Variants in KLRD1 observed in about 807,000 individuals in gnomAD.
KLRD1 encodes natural killer cells antigen CD94.
A neutral mutation model predicts 22.6 loss-of-function variants in KLRD1; 21 were observed. The ratio of observed to expected loss-of-function variants is 0.93; its 90% CI spans 0.66 to 1.34. KLRD1 has a LOEUF of 1.34. Among genes scored for constraint, KLRD1 ranks in the 40% most tolerant of loss-of-function variants. KLRD1 has a pLI of 0.00. For synonymous variants in KLRD1, 59 were observed against 71.1 expected, an observed-to-expected ratio of 0.83 and a Z score of 0.85; for missense variants, 183 against 208.6, an observed-to-expected ratio of 0.88 and a Z score of 0.76.
intron 1 of KLRD1, among the ~76,000 whole-genome samples, chr12:10,253,803 T>A (rs1170379525): frequency 6.6e-6 from 1 of 152,166 alleles, no homozygotes; most frequent in Non-Finnish European, 1.5e-5. Context: ...CACATTTTCT[T>A]TATTCAATCT....
rs1384316234 is a variant in KLRD1 at position 10,325,167 on chromosome 12, T to G, written c.*10374T>G. 6.6e-6 allele frequency: 1 copy of G among 152,040 alleles called. No homozygotes were observed. Among genetic ancestry groups the G allele is most frequent in the East Asian group, 1.9e-4 (1 of 5,178 alleles). The allele number at this position is 152,040 out of a possible 1,614,324, so 9.4% of individuals were successfully genotyped here. ...TTTTCATAAATGACCTTTACTAGGT[T>G]GAGAAAGTTCCCTCCTATTCCTAGT... is the stretch of plus-strand genomic sequence containing the variant. On this transcript the variant is annotated 3_prime_UTR_variant, in exon 6 of 6. Coordinates refer to ENST00000336164, the MANE Select transcript of KLRD1 (RefSeq NM_002262.5).
Position 10,325,532 on chromosome 12 carries a change from C to G in KLRD1, c.*10739C>G, listed in dbSNP as rs1277935729. 6.6e-6 allele frequency: 1 copy of G among 152,104 alleles called. No homozygotes were observed. Among genetic ancestry groups the G allele is most frequent in the African/African-American group, 2.4e-5 (1 of 41,446 alleles). 9.4% of individuals were successfully genotyped at this position (152,104 alleles called of 1,614,324 possible). A position where few individuals can be genotyped will look rare whatever the true frequency, so the allele number is the denominator to read the frequency against. ...GATTAACGACGTCCCATTTTTTCCT[C>G]TCTCCATTCCTGGCAACCACCATTC... On this transcript the variant is annotated 3_prime_UTR_variant, in exon 6 of 6. Coordinates refer to ENST00000336164, the MANE Select transcript of KLRD1 (RefSeq NM_002262.5).
upstream of KLRD1, among the ~76,000 whole-genome samples, chr12:10,299,538 A>T (rs1949850130): frequency 6.6e-6 from 1 of 152,170 alleles, no homozygotes; most frequent in South Asian, 2.1e-4. Flanking sequence ...AAAAAACAGT[A>T]TATCTACCTT....
intron 1 of KLRD1, among the ~76,000 whole-genome samples, chr12:10,260,968 A>AAG (rs1243711909): frequency 2.2e-5 from 1 of 45,040 alleles, no homozygotes; most frequent in East Asian, 5.2e-4. Context: ...AAAAAACCAA[A>AAG]AAAAAAAAAT....
At position 10,315,795 on chromosome 12, in the gene KLRD1, T is replaced by C. The variant is rs1592098097; in HGVS notation, c.*1002T>C. ...TGATCTATTTTCATCATTTTTGTGA[T>C]GAAAAAATTAATTTTGATTGACTTA... On this transcript the variant is annotated 3_prime_UTR_variant, in exon 6 of 6. Coordinates refer to ENST00000336164, the MANE Select transcript of KLRD1 (RefSeq NM_002262.5). The C allele has an allele frequency of 6.6e-6, 1 of 152,166 alleles. No individual in the cohort carries two copies. The highest frequency in any genetic ancestry group is 1.9e-4 in the East Asian group (1 of 5,178). 9.4% of individuals were successfully genotyped at this position (152,166 alleles called of 1,614,324 possible). A position where few individuals can be genotyped will look rare whatever the true frequency, so the allele number is the denominator to read the frequency against.
At chr12:10,245,831 T>C (rs1949285509) in intron 1 of KLRD1, among the ~76,000 whole-genome samples, 1 of 152,166 alleles carries the variant, frequency 6.6e-6, no homozygotes, top group African/African-American at 2.4e-5. Flanking sequence ...TATTTTACTT[T>C]ATTTTGGAGG....
intron 5 of KLRD1, 127 bp from the exon 6 acceptor site, chr12:10,314,546 A>G: frequency 2.6e-6 from 2 of 767,450 alleles, no homozygotes; most frequent in Non-Finnish European, 3.8e-6. Flanking sequence ...GGTTACTGAA[A>G]AAAAAAGGAC....
At chr12:10,271,741 A>C (rs1949551371) in intron 1 of KLRD1, among the ~76,000 whole-genome samples, 1 of 152,170 alleles carries the variant, frequency 6.6e-6, no homozygotes, top group African/African-American at 2.4e-5. Context: ...ATGATACATA[A>C]ACATATAATT....
chr12:10,313,957 T>C (rs1191094089), intron 5 of KLRD1, among the ~76,000 whole-genome samples: 1 of 152,180 alleles, frequency 6.6e-6, no homozygotes, highest in African/African-American at 2.4e-5. Context: ...TTTTGTCAGT[T>C]AACTGAAGTG....
At chr12:10,242,929 G>A (rs1458621487) in intron 1 of KLRD1, among the ~76,000 whole-genome samples, 7 of 152,076 alleles carry the variant, frequency 4.6e-5, no homozygotes, top group Non-Finnish European at 8.8e-5. Flanking sequence ...ATATATACAC[G>A]GTGAAATACT....
chr12:10,298,705 C>G (rs912171861), intron 1 of KLRD1, among the ~76,000 whole-genome samples: 4 of 152,240 alleles, frequency 2.6e-5, no homozygotes, highest in Non-Finnish European at 5.9e-5. Flanking sequence ...GCCTTAAGAA[C>G]ATGTTCCTGC....
intron 1 of KLRD1, among the ~76,000 whole-genome samples, chr12:10,284,660 A>G (rs766866615): frequency 1.3e-4 from 20 of 152,232 alleles, no homozygotes; most frequent in Admixed American, 1.3e-4. Flanking sequence ...ATTTTAAAGT[A>G]CATTTCTCTC....
chr12:10,309,772 G>T, intron 3 of KLRD1, 84 bp downstream of exon 3: 1 of 916,960 alleles, frequency 1.1e-6, no homozygotes, highest in South Asian at 1.4e-5. Flanking sequence ...AGGCATGATG[G>T]AATATTATAC....
At chr12:10,243,607 CAAAAAAAAAAA>C (rs34864670) in intron 1 of KLRD1, among the ~76,000 whole-genome samples, 11 of 28,810 alleles carry the variant, frequency 3.8e-4, no homozygotes, top group African/African-American at 1.8e-3. Flanking sequence ...AGTGAGACTC[CAAAAAAAAAAA>C]AAAAAAAAAA....
upstream of KLRD1, among the ~76,000 whole-genome samples, chr12:10,306,600 C>T (rs1334032317): frequency 6.6e-6 from 1 of 152,160 alleles, no homozygotes; most frequent in African/African-American, 2.4e-5. Flanking sequence ...TAGTATCAGA[C>T]AGGTTTCTTC....
intron 1 of KLRD1, among the ~76,000 whole-genome samples, chr12:10,271,398 A>G (rs1455553754): frequency 6.6e-6 from 1 of 152,214 alleles, no homozygotes; most frequent in South Asian, 2.1e-4. Flanking sequence ...CTGGTTGACC[A>G]TTCTCATTTG....
intron 1 of KLRD1, among the ~76,000 whole-genome samples, chr12:10,249,923 G>A (rs1047724731): frequency 2.6e-5 from 4 of 152,040 alleles, no homozygotes; most frequent in Non-Finnish European, 5.9e-5. Context: ...ATCAGAGTTC[G>A]CAGGAGCTGC....
intron 1 of KLRD1, among the ~76,000 whole-genome samples, chr12:10,289,306 T>C (rs950215637): frequency 2.6e-5 from 4 of 152,216 alleles, no homozygotes; most frequent in African/African-American, 9.7e-5. Flanking sequence ...ATGAGGTTCT[T>C]ACACCTTGCT....
At chr12:10,305,933 C>T (rs527872824), upstream of KLRD1, among the ~76,000 whole-genome samples, 59 of 152,018 alleles carry the variant, frequency 3.9e-4, no homozygotes, top group African/African-American at 1.3e-3. Flanking sequence ...GAGGCCGAGG[C>T]GGGCGGATCA....
Sources: allele counts gnomAD v4.1 joint callset (sites outside exome capture counted in the v4.1 genomes callset), GRCh38; gene constraint gnomAD v4.1.1; transcripts MANE v1.5; gene names NCBI Gene and HGNC (gene_info 2026-07-23, HGNC 2026-07-21).